Variants in TFDP2 observed in about 807,000 individuals in gnomAD.
TFDP2 encodes transcription factor Dp-2, also known as transcription factor Dp-2 (E2F dimerization partner 2).
A neutral mutation model predicts 59.3 loss-of-function variants in TFDP2; 17 were observed. The observed-to-expected ratio is 0.29, with a 90% CI of 0.20 to 0.43. TFDP2 has a LOEUF of 0.43. Ranked by LOEUF, TFDP2 falls within the 20% of genes least tolerant of loss-of-function variation. The probability of loss-of-function intolerance (pLI) is 1.00; values close to 1 mark genes in which losing one functional copy is unlikely to be tolerated. For synonymous variants in TFDP2, 180 were observed against 194.7 expected (o/e 0.92, Z 0.63); for missense variants, 391 against 528.8 (o/e 0.74, Z 2.56).
intron 3 of TFDP2, among the ~76,000 whole-genome samples, chr3:142,060,731 A>G (rs2059891768): frequency 6.6e-6 from 1 of 152,230 alleles, no homozygotes; most frequent in African/African-American, 2.4e-5. Flanking sequence ...GAGGGTTAGG[A>G]GTAAGGTATC....
chr3:142,107,542 T>C (rs2061514931), intron 1 of TFDP2, among the ~76,000 whole-genome samples: 1 of 152,098 alleles, frequency 6.6e-6, no homozygotes, highest in Admixed American at 6.6e-5. Flanking sequence ...CTAGAAGATA[T>C]TTTCATAGAA....
At chr3:141,968,204 TA>T (rs1243313859) in intron 9 of TFDP2, among the ~76,000 whole-genome samples, 1 of 136,984 alleles carries the variant, frequency 7.3e-6, no homozygotes, top group Non-Finnish European at 1.6e-5. Context: ...TTTTTTTTTT[TA>T]AAGCTGCACA....
chr3:142,146,172 C>T (rs2063166218), intron 1 of TFDP2, among the ~76,000 whole-genome samples: 2 of 151,680 alleles, frequency 1.3e-5, no homozygotes, highest in African/African-American at 4.9e-5. Flanking sequence ...TTTTTAATGT[C>T]AACAGACTAG....
intron 3 of TFDP2, among the ~76,000 whole-genome samples, chr3:142,058,942 C>T (rs2059829416): frequency 6.6e-6 from 1 of 152,194 alleles, no homozygotes; most frequent in Non-Finnish European, 1.5e-5. Flanking sequence ...GTCTTTCTGG[C>T]ACCAGCCCCC....
chr3:142,135,495 T>C (rs1212020056), intron 1 of TFDP2, among the ~76,000 whole-genome samples: 2 of 152,054 alleles, frequency 1.3e-5, no homozygotes, highest in African/African-American at 4.8e-5. Context: ...CATGTTGCTT[T>C]GCTGCACCCA....
intron 3 of TFDP2, among the ~76,000 whole-genome samples, chr3:142,062,168 T>A (rs1193215995): frequency 2.0e-5 from 3 of 152,006 alleles, no homozygotes; most frequent in Non-Finnish European, 4.4e-5. Flanking sequence ...TTAATAACAT[T>A]TTCCTTTCTC....
chr3:141,990,990 G>GT (rs1021466989), intron 6 of TFDP2, among the ~76,000 whole-genome samples: 4 of 151,314 alleles, frequency 2.6e-5, no homozygotes, highest in African/African-American at 7.3e-5. Context: ...CCCAGGAAGC[G>GT]TAAGTTGCAG....
intron 1 of TFDP2, among the ~76,000 whole-genome samples, chr3:142,103,331 A>G (rs2061372855): frequency 6.8e-6 from 1 of 148,132 alleles, no homozygotes; most frequent in South Asian, 2.1e-4. Context: ...ACTGAACTAG[A>G]AAAAAAAAAC....
chr3:142,033,767 G>T (rs1471397333), intron 3 of TFDP2, among the ~76,000 whole-genome samples: 1 of 152,104 alleles, frequency 6.6e-6, no homozygotes, highest in Non-Finnish European at 1.5e-5. Flanking sequence ...GACAGAAATC[G>T]AACTCAAACT....
intron 9 of TFDP2, among the ~76,000 whole-genome samples, chr3:141,964,777 C>T (rs1937692966): frequency 6.6e-6 from 1 of 152,168 alleles, no homozygotes; most frequent in Admixed American, 6.5e-5. Context: ...GTTTCTAAGG[C>T]ACCTCCACAG....
chr3:142,097,595 G>A (rs944488170), intron 2 of TFDP2, among the ~76,000 whole-genome samples: 3 of 152,124 alleles, frequency 2.0e-5, no homozygotes, highest in African/African-American at 7.2e-5. Flanking sequence ...TGAGGTGGGA[G>A]CATCGCTTGA....
intron 12 of TFDP2, 94 bp downstream of exon 12, chr3:141,952,817 G>C: frequency 6.5e-7 from 1 of 1,539,306 alleles, no homozygotes; most frequent in Non-Finnish European, 9.0e-7. Flanking sequence ...TGCTCAGCAG[G>C]ACCTGTGCTG....
intron 2 of TFDP2, among the ~76,000 whole-genome samples, 161 bp downstream of exon 2, chr3:142,101,574 C>T (rs1252967169): frequency 6.6e-6 from 1 of 152,110 alleles, no homozygotes; most frequent in Non-Finnish European, 1.5e-5. Flanking sequence ...TATTCAATCG[C>T]ATTAAAGCTT....
At chr3:142,085,314 A>G (rs550692246) in intron 3 of TFDP2, among the ~76,000 whole-genome samples, 1 of 152,366 alleles carries the variant, frequency 6.6e-6, no homozygotes, top group East Asian at 1.9e-4. Context: ...TCCATTTACC[A>G]TGATGTGATT....
chr3:142,132,744 CAAA>C (rs199517533), intron 1 of TFDP2, among the ~76,000 whole-genome samples: 5 of 61,522 alleles, frequency 8.1e-5, no homozygotes, highest in Non-Finnish European at 6.2e-5. Context: ...GACGCTATCT[CAAA>C]AAAAAAAAAA....
At chr3:142,096,128 A>G (rs2061155395) in intron 2 of TFDP2, among the ~76,000 whole-genome samples, 1 of 152,202 alleles carries the variant, frequency 6.6e-6, no homozygotes, top group Admixed American at 6.5e-5. Flanking sequence ...TTAAGAACCA[A>G]CAAATTGTAC....
At chr3:142,036,564 C>T (rs1468964743) in intron 3 of TFDP2, among the ~76,000 whole-genome samples, 3 of 152,120 alleles carry the variant, frequency 2.0e-5, no homozygotes, top group Non-Finnish European at 2.9e-5. Context: ...CATCTCTGTA[C>T]CCTCCTCATC....
At chr3:142,076,450 G>A (rs2060461123) in intron 3 of TFDP2, among the ~76,000 whole-genome samples, 1 of 152,034 alleles carries the variant, frequency 6.6e-6, no homozygotes, top group Non-Finnish European at 1.5e-5. Context: ...AACAGCATAT[G>A]ACTATTAAAA....
chr3:142,028,757 C>T, intron 3 of TFDP2: 1 of 977,302 alleles, frequency 1.0e-6, no homozygotes, highest in Non-Finnish European at 1.2e-6. Flanking sequence ...AGTTAACTGG[C>T]TTTCAAAAGA....
Sources: allele counts gnomAD v4.1 joint callset (sites outside exome capture counted in the v4.1 genomes callset), GRCh38; gene constraint gnomAD v4.1.1; transcripts MANE v1.5; gene names NCBI Gene and HGNC (gene_info 2026-07-23, HGNC 2026-07-21).